FBXL13: variants seen among roughly 807,000 people sequenced by gnomAD.
FBXL13 encodes the protein F-box and leucine-rich repeat protein 13.
FBXL13 carries 67 observed loss-of-function variants against 83.6 expected under a neutral mutation model. The ratio of observed to expected loss-of-function variants is 0.80; its 90% CI spans 0.66 to 0.98. The LOEUF is 0.98. Among genes scored for constraint, FBXL13 ranks in the 50% least tolerant of loss-of-function variants. FBXL13 has a pLI of 0.00. For missense variants in FBXL13, 822 were observed against 866.5 expected (o/e 0.95, Z 0.64); for synonymous variants, 272 against 299.5 (o/e 0.91, Z 0.95).
intron 2 of FBXL13, among the ~76,000 whole-genome samples, chr7:103,032,588 C>T (rs927807365): frequency 1.6e-4 from 25 of 152,284 alleles, no homozygotes; most frequent in African/African-American, 5.1e-4. Context: ...TCAGTTGATG[C>T]GAGGATTTCA....
At chr7:103,009,028 A>G (rs948609474) in intron 6 of FBXL13, among the ~76,000 whole-genome samples, 1 of 152,110 alleles carries the variant, frequency 6.6e-6, no homozygotes, top group Non-Finnish European at 1.5e-5. Flanking sequence ...AGTCCATGGT[A>G]TTTAAAATGC....
chr7:102,862,562 GTTAGTTTAC>G (rs1260199303), intron 16 of FBXL13, among the ~76,000 whole-genome samples: 2 of 152,050 alleles, frequency 1.3e-5, no homozygotes, highest in Non-Finnish European at 2.9e-5. Context: ...CACAGTTCTG[GTTAGTTTAC>G]TTTCTATTCT....
At position 102,934,006 on chromosome 7, in the gene FBXL13, T is replaced by G. The variant is rs139516562; in HGVS notation, c.725-2073A>C. ...CAGGCAGTGTGAGAAGCCGAGTGAA[T>G]CATGGCCGGGCGGGTGGAGGCCGGA... On this transcript the variant is annotated intron_variant, in intron 8 of 19. Coordinates refer to ENST00000313221, the Ensembl canonical transcript of FBXL13. 2.2e-3 allele frequency: 3,527 copies of G among 1,614,086 alleles called. 4 individuals carry two copies. The highest frequency in any genetic ancestry group is 3.6e-3 in the South Asian group (329 of 91,074).
At chr7:102,934,944 G>A (rs1246161592) in intron 8 of FBXL13, among the ~76,000 whole-genome samples, 2 of 152,152 alleles carry the variant, frequency 1.3e-5, no homozygotes, top group African/African-American at 2.4e-5. Context: ...TTTGCACATC[G>A]CAAGCTGTCA....
chr7:103,009,979 C>T (rs1791423972), intron 6 of FBXL13, among the ~76,000 whole-genome samples: 1 of 152,230 alleles, frequency 6.6e-6, no homozygotes, highest in African/African-American at 2.4e-5. Flanking sequence ...CCCAGCAGCC[C>T]CACTTCTGTG....
intron 19 of FBXL13, among the ~76,000 whole-genome samples, chr7:102,820,322 T>G (rs1798625724): frequency 6.6e-6 from 1 of 152,242 alleles, no homozygotes; most frequent in African/African-American, 2.4e-5. Context: ...CAAGTTTGAT[T>G]GCAGAAGACA....
chr7:103,059,230 A>G (rs1022585177), intron 1 of FBXL13, among the ~76,000 whole-genome samples: 1 of 152,228 alleles, frequency 6.6e-6, no homozygotes, highest in African/African-American at 2.4e-5. Context: ...GTGAGTTATT[A>G]TCACAACACT....
rs537034223 is a variant in FBXL13 at position 102,845,315 on chromosome 7, T to C, written c.1719+9462A>G. ...ATTAGGAGTTCTGCATCAGGAACCA[T>C]GGTCAAAGACCAAATATTAGAACAA... is the stretch of plus-strand genomic sequence containing the variant. On this transcript the variant is annotated intron_variant, in intron 17 of 19. Transcript: ENST00000313221. Among the ~76,000 whole-genome samples the C allele has an allele frequency of 7.2e-5, 11 of 152,282 alleles. No individual in the cohort carries two copies. In the South Asian group the frequency reaches 1.9e-3, roughly 26 times the overall value.
chr7:102,851,028 C>A (rs1805130008), intron 17 of FBXL13, among the ~76,000 whole-genome samples: 1 of 152,212 alleles, frequency 6.6e-6, no homozygotes, highest in South Asian at 2.1e-4. Flanking sequence ...TTCTCCGTTT[C>A]TACCTTTCAT....
intron 6 of FBXL13, among the ~76,000 whole-genome samples, chr7:102,996,074 A>C (rs2096196023): frequency 2.0e-5 from 3 of 152,324 alleles, no homozygotes; most frequent in South Asian, 2.1e-4. Flanking sequence ...GCTCAAGGTC[A>C]TATTGCTAGT....
chr7:102,960,139 A>G (rs1383193603), intron 8 of FBXL13, among the ~76,000 whole-genome samples: 2 of 152,064 alleles, frequency 1.3e-5, no homozygotes, highest in African/African-American at 4.8e-5. Flanking sequence ...TTTAGTAGAA[A>G]AAATTGATGA....
chr7:102,841,302 G>A (rs1802896178), intron 17 of FBXL13, among the ~76,000 whole-genome samples: 1 of 150,250 alleles, frequency 6.7e-6, no homozygotes, highest in Non-Finnish European at 1.5e-5. Flanking sequence ...ATAAACTAAT[G>A]TTCCAGGGGC....
chr7:103,073,045 A>C (rs896375489), intron 1 of FBXL13, among the ~76,000 whole-genome samples: 9 of 152,220 alleles, frequency 5.9e-5, no homozygotes, highest in African/African-American at 2.2e-4. Context: ...GCACAATTGT[A>C]TAGAGGTACA....
At chr7:103,052,938 G>T (rs1462563455) in intron 2 of FBXL13, among the ~76,000 whole-genome samples, 1 of 151,452 alleles carries the variant, frequency 6.6e-6, no homozygotes, top group Non-Finnish European at 1.5e-5. Context: ...TGCATTTTTG[G>T]TAGAGACAGG....
chr7:102,836,656 A>G (rs1181381358), intron 17 of FBXL13, among the ~76,000 whole-genome samples: 1 of 152,250 alleles, frequency 6.6e-6, no homozygotes, highest in African/African-American at 2.4e-5. Context: ...GCAATCTGGA[A>G]GAAAACTTCC....
chr7:102,874,559 G>T (rs1305498413), intron 16 of FBXL13, among the ~76,000 whole-genome samples: 1 of 152,010 alleles, frequency 6.6e-6, no homozygotes. Context: ...TAAGTTTTTT[G>T]TTTTTTGTTT....
intron 11 of FBXL13, among the ~76,000 whole-genome samples, chr7:102,895,120 T>C (rs1441724079): frequency 1.3e-5 from 2 of 152,144 alleles, no homozygotes; most frequent in East Asian, 3.9e-4. Context: ...TAATTGAATA[T>C]GTAGAGAATG....
At chr7:102,861,136 G>T (rs971966868) in intron 16 of FBXL13, among the ~76,000 whole-genome samples, 2 of 151,838 alleles carry the variant, frequency 1.3e-5, no homozygotes, top group Non-Finnish European at 1.5e-5. Context: ...TAACTATGTA[G>T]TATTATGCAT....
chr7:103,074,763 G>C (rs1266033669), upstream of FBXL13: 1 of 1,289,612 alleles, frequency 7.8e-7, no homozygotes, highest in South Asian at 1.2e-5. Context: ...ATTGCGTAGC[G>C]AGGCCATGGC....
Sources: gnomAD v4.1 joint callset for allele counts (sites outside exome capture counted in the v4.1 genomes callset) on GRCh38, gnomAD v4.1.1 for gene constraint, MANE v1.5 for transcripts, NCBI Gene and HGNC (gene_info 2026-07-23, HGNC 2026-07-21) for gene names.